GABBR2: variants seen among roughly 807,000 people sequenced by gnomAD.
GABBR2 encodes gamma-aminobutyric acid type B receptor subunit 2, also known as G-protein coupled receptor 51.
A neutral mutation model predicts 105.6 loss-of-function variants in GABBR2; 23 were observed. That is an observed-to-expected ratio of 0.22 (90% CI 0.16 to 0.31). The LOEUF (loss-of-function observed/expected upper bound fraction) is 0.31, where lower values mean the gene tolerates loss of function less well. Among genes scored for constraint, GABBR2 ranks in the 10% least tolerant of loss-of-function variants. GABBR2 has a pLI of 1.00. For missense variants in GABBR2, 734 were observed against 1,245.5 expected (o/e 0.59, Z 6.18); for synonymous variants, 478 against 499.7 (o/e 0.96, Z 0.58).
intron 13 of GABBR2, among the ~76,000 whole-genome samples, chr9:98,312,368 G>A (rs1445226669): frequency 6.6e-6 from 1 of 152,188 alleles, no homozygotes; most frequent in African/African-American, 2.4e-5. Flanking sequence ...CCCTCAATTT[G>A]GATTAGCCTG....
chr9:98,443,746 C>T (rs1826073306), intron 7 of GABBR2, among the ~76,000 whole-genome samples: 1 of 152,190 alleles, frequency 6.6e-6, no homozygotes, highest in African/African-American at 2.4e-5. Flanking sequence ...GCCCCACTGT[C>T]AAGGGGCTCA....
At chr9:98,631,213 T>C (rs1342788546) in intron 1 of GABBR2, among the ~76,000 whole-genome samples, 4 of 152,176 alleles carry the variant, frequency 2.6e-5, no homozygotes, top group Admixed American at 6.5e-5. Context: ...GGTGTGTCTA[T>C]ACACTTAAGA....
At chr9:98,579,143 T>TA (rs1184059720) in intron 1 of GABBR2, among the ~76,000 whole-genome samples, 2 of 152,062 alleles carry the variant, frequency 1.3e-5, no homozygotes, top group Admixed American at 6.5e-5. Context: ...ACCACAGTCT[T>TA]AAAAAAATGA....
intron 6 of GABBR2, among the ~76,000 whole-genome samples, chr9:98,458,441 C>T (rs779297960): frequency 5.9e-5 from 9 of 152,274 alleles, no homozygotes; most frequent in South Asian, 2.1e-4. Context: ...CGGTGTCCCA[C>T]GCCTATAATC....
At chr9:98,605,433 T>A (rs944134556) in intron 1 of GABBR2, among the ~76,000 whole-genome samples, 13 of 152,234 alleles carry the variant, frequency 8.5e-5, no homozygotes, top group Non-Finnish European at 1.8e-4. Context: ...TATCTCAGGC[T>A]ACGGACTCTC....
rs1261554600 is a variant in GABBR2, at chr9:98,547,318, T to C, written c.460-5275A>G. ...TTTATATTGTGTATATTGTTTTATATTTATATTTTTATAATATATTTAACA... is the reference window on the plus strand; with the variant it reads ...TTTATATTGTGTATATTGTTTTATACTTATATTTTTATAATATATTTAACA... On this transcript the variant is annotated intron_variant, in intron 2 of 18. Transcript: ENST00000259455. 2.6e-5 allele frequency among the ~76,000 whole-genome samples: 3 copies of C among 117,290 alleles called. 1 individual carries two copies. The highest frequency in any genetic ancestry group is 8.1e-5 in the African/African-American group (3 of 37,142). 76.9% of individuals were successfully genotyped at this position (117,290 alleles called of 152,430 possible).
chr9:98,367,009 T>C (rs987987092), intron 12 of GABBR2, among the ~76,000 whole-genome samples: 12 of 152,268 alleles, frequency 7.9e-5, no homozygotes, highest in African/African-American at 2.9e-4. Flanking sequence ...GATTTTACAA[T>C]TGGTCTTTAG....
At chr9:98,477,374 A>C (rs1437741504) in intron 5 of GABBR2, among the ~76,000 whole-genome samples, 1 of 152,168 alleles carries the variant, frequency 6.6e-6, no homozygotes, top group African/African-American at 2.4e-5. Flanking sequence ...TGAGTAGCTG[A>C]GAATACAGGC....
intron 7 of GABBR2, among the ~76,000 whole-genome samples, chr9:98,424,166 C>T (rs1281018401): frequency 2.0e-5 from 3 of 152,088 alleles, no homozygotes; most frequent in Non-Finnish European, 4.4e-5. Flanking sequence ...GGATGCAAGG[C>T]TGGTTCAATA....
intron 13 of GABBR2, among the ~76,000 whole-genome samples, chr9:98,348,403 C>G (rs116941319): frequency 0.034 from 5,131 of 152,244 alleles, 121 homozygotes; most frequent in Middle Eastern, 0.048. Context: ...TCAGTATTGC[C>G]TTGGCTATTC....
At chr9:98,508,443 C>G (rs983034901) in intron 3 of GABBR2, among the ~76,000 whole-genome samples, 1 of 152,334 alleles carries the variant, frequency 6.6e-6, no homozygotes, top group East Asian at 1.9e-4. Context: ...GCGCACCGTG[C>G]GCGAGCCAAA....
At chr9:98,671,346 C>G (rs1432439489) in intron 1 of GABBR2, among the ~76,000 whole-genome samples, 1 of 152,110 alleles carries the variant, frequency 6.6e-6, no homozygotes, top group Non-Finnish European at 1.5e-5. Context: ...TTTTTATGGG[C>G]AAGCAGTTAT....
At chr9:98,463,645 G>GTCTCCCTCTTTCTACAGTCTCCC (rs1564079108) in intron 6 of GABBR2, among the ~76,000 whole-genome samples, 1 of 147,300 alleles carries the variant, frequency 6.8e-6, no homozygotes. Flanking sequence ...CTCGCTCTCC[G>GTCTCCCTCTTTCTACAGTCTCCC]TCTCCCTCTT....
chr9:98,291,395 C>G (rs1016815831), intron 18 of GABBR2, among the ~76,000 whole-genome samples: 3 of 152,168 alleles, frequency 2.0e-5, no homozygotes, highest in African/African-American at 7.2e-5. Flanking sequence ...AGATAGTTCG[C>G]ATTCTCTACT....
chr9:98,397,548 T>C (rs952818442), intron 8 of GABBR2, among the ~76,000 whole-genome samples: 6 of 152,192 alleles, frequency 3.9e-5, no homozygotes, highest in Non-Finnish European at 8.8e-5. Context: ...AAGTGTCCAA[T>C]AAATTACGGT....
intron 13 of GABBR2, 164 bp downstream of exon 13, chr9:98,362,551 A>G (rs1177971342): frequency 1.7e-5 from 7 of 423,764 alleles, no homozygotes; most frequent in Non-Finnish European, 2.4e-5. Flanking sequence ...ACAACACCTT[A>G]TATTTGGCCT....
intron 1 of GABBR2, among the ~76,000 whole-genome samples, chr9:98,589,256 C>T (rs1264471683): frequency 2.0e-5 from 3 of 152,174 alleles, no homozygotes; most frequent in South Asian, 2.1e-4. Flanking sequence ...TCAGACCCAC[C>T]GCACAGTCTG....
At chr9:98,701,197 C>T (rs1454977636) in intron 1 of GABBR2, among the ~76,000 whole-genome samples, 1 of 152,164 alleles carries the variant, frequency 6.6e-6, no homozygotes, top group East Asian at 1.9e-4. Context: ...CAAAGAAGGT[C>T]CCTTTAAAGA....
intron 16 of GABBR2, among the ~76,000 whole-genome samples, chr9:98,302,219 G>C (rs1830480537): frequency 6.6e-6 from 1 of 152,168 alleles, no homozygotes; most frequent in East Asian, 1.9e-4. Flanking sequence ...GTCAGTTTTT[G>C]TTGATGTGAC....
Sources: gnomAD v4.1 joint callset for allele counts (sites outside exome capture counted in the v4.1 genomes callset) on GRCh38, gnomAD v4.1.1 for gene constraint, MANE v1.5 for transcripts, NCBI Gene and HGNC (gene_info 2026-07-23, HGNC 2026-07-21) for gene names.